The following TICAM2 variants were observed in gnomAD, a reference collection of about 807,000 sequenced individuals.
TICAM2 encodes TIR domain containing adaptor molecule 2.
Under a neutral mutation model 7.3 loss-of-function variants are expected in TICAM2, and 8 were observed. That is an observed-to-expected ratio of 1.10 (90% CI 0.65 to 1.99). TICAM2 has a LOEUF of 1.99. Among genes scored for constraint, TICAM2 ranks in the 30% most tolerant of loss-of-function variants. The pLI, the probability that TICAM2 is intolerant of heterozygous loss-of-function variation, is 0.00. For synonymous variants in TICAM2, 113 were observed against 99.6 expected, an observed-to-expected ratio of 1.13 and a Z score of -0.80; for missense variants, 304 against 278.8, an observed-to-expected ratio of 1.09 and a Z score of -0.65.
chr5:115,580,572 C>A lies in TICAM2; in HGVS notation c.685G>T (p.Val229Leu), dbSNP rs138755902. The A allele has an allele frequency of 1.4e-5, 23 of 1,598,604 alleles. No individual in the cohort carries two copies. The African/African-American group carries it at 2.2e-4, about 15-fold the overall frequency. Reference protein sequence around the residue: ...QTIWKETRNMVQRQFIA With the variant: ...QTIWKETRNMLQRQFIA Reference sequence around the variant, plus strand: ...TCTCAGGCAATAAATTGTCTTTGTACCATATTTCTTGTCTCTTTCCATATA... The same window carrying A: ...TCTCAGGCAATAAATTGTCTTTGTAACATATTTCTTGTCTCTTTCCATATA... The change falls in exon 2 of 2, where the codon GTA becomes TTA. Residue 229 changes from valine (V) to leucine (L), a missense_variant. Transcript: ENST00000427199.
At chr5:115,591,197 A>G (rs754306700) in intron 1 of TICAM2, among the ~76,000 whole-genome samples, 2 of 152,342 alleles carry the variant, frequency 1.3e-5, no homozygotes, top group Non-Finnish European at 2.9e-5. Context: ...CAGAAGAGGA[A>G]AGCTAGTGCT....
chr5:115,580,420 G>T lies in TICAM2; in HGVS notation c.*129C>A. ...TGTCCTGCAGAAATTTATCTTTCTT[G>T]TGCTCCATAGGTTTCTTTAAGGTGA... On this transcript the variant is annotated 3_prime_UTR_variant, in exon 2 of 2. Coordinates refer to ENST00000427199, the MANE Select transcript of TICAM2 (RefSeq NM_021649.7). 5.9e-6 allele frequency: 7 copies of T among 1,180,246 alleles called. No individual in the cohort carries two copies. Among genetic ancestry groups the T allele is most frequent in the Non-Finnish European group, 7.7e-6 (7 of 904,222 alleles). The allele number at this position is 1,180,246 out of a possible 1,614,324, so 73.1% of individuals were successfully genotyped here. A position where few individuals can be genotyped will look rare whatever the true frequency, so the allele number is the denominator to read the frequency against.
rs1221860877 is a variant in TICAM2 at position 115,596,743 on chromosome 5, C to A, written c.-60+5354G>T. 2.0e-5 allele frequency among the ~76,000 whole-genome samples: 3 copies of A among 152,116 alleles called. No homozygotes were observed. In the East Asian group the frequency reaches 5.8e-4, roughly 29 times the overall value. On this transcript the variant is annotated intron_variant, in intron 1 of 1. Coordinates refer to ENST00000427199, the MANE Select transcript of TICAM2 (RefSeq NM_021649.7). ...GACCATCCTGACTAACATGGTGAAA[C>A]CCCGTCTCTACTAAAAATGCAAAAA...
intron 1 of TICAM2, among the ~76,000 whole-genome samples, chr5:115,591,387 A>G (rs536514861): frequency 1.3e-5 from 2 of 152,354 alleles, no homozygotes; most frequent in African/African-American, 4.8e-5. Context: ...AAGTGATCAC[A>G]GATTGTTAGT....
Position 115,580,608 on chromosome 5 carries a change from T to A in TICAM2, c.649A>T (p.Thr217Ser), listed in dbSNP as rs1413557574. The A allele has an allele frequency of 1.9e-6, 3 of 1,596,706 alleles. No homozygotes were observed. The highest frequency in any genetic ancestry group is 2.6e-6 in the Non-Finnish European group (3 of 1,174,994). Residue 217 changes from threonine to serine, a missense_variant, in exon 2 of 2, where the codon ACA becomes TCA. Thr to Ser is a moderately conservative substitution (Grantham distance 58). Transcript: ENST00000427199. ...GTCTCTTTCCATATAGTTTGTTGTG[T>A]CTTATACACAGACTCCTGAAAAATT... ...ERIFQESVYKTQQTIWKETRN... is the reference protein window; with the variant it reads ...ERIFQESVYKSQQTIWKETRN...
At chr5:115,587,834 T>G (rs1308072180) in intron 1 of TICAM2, among the ~76,000 whole-genome samples, 1 of 152,100 alleles carries the variant, frequency 6.6e-6, no homozygotes, top group African/African-American at 2.4e-5. Context: ...GTTAGTTGCT[T>G]GCTTAAATCA....
chr5:115,595,813 C>A (rs1755490367), intron 1 of TICAM2, among the ~76,000 whole-genome samples: 1 of 152,188 alleles, frequency 6.6e-6, no homozygotes, highest in Admixed American at 6.5e-5. Flanking sequence ...TGTACCCTTG[C>A]CCAACCATCT....
At chr5:115,584,199 G>A (rs1180705793) in intron 1 of TICAM2, among the ~76,000 whole-genome samples, 1 of 151,716 alleles carries the variant, frequency 6.6e-6, no homozygotes, top group Non-Finnish European at 1.5e-5. Context: ...TTCAAACAAG[G>A]ATATTTTGAA....
rs149552474 is a variant in TICAM2 at position 115,601,645 on chromosome 5, A to T, written c.-60+452T>A. ...TACCGTGGAAAGCTGGAGAGGTCCT[A>T]ATACACTGAAAACTAGCTCACAGCT... On this transcript the variant is annotated intron_variant, in intron 1 of 1. Transcript: ENST00000427199. Among the ~76,000 whole-genome samples the T allele has an allele frequency of 2.6e-3, 395 of 152,342 alleles. 2 individuals are homozygous for T. The highest frequency in any genetic ancestry group is 9.3e-3 in the African/African-American group (385 of 41,584).
At chr5:115,585,230 A>G (rs1347016660) in intron 1 of TICAM2, among the ~76,000 whole-genome samples, 1 of 152,232 alleles carries the variant, frequency 6.6e-6, no homozygotes, top group East Asian at 1.9e-4. Context: ...CTCAATAAAC[A>G]TTAGCAGCTA....
chr5:115,580,437 T>G lies in TICAM2; in HGVS notation c.*112A>C. ...TCTTTCTTGTGCTCCATAGGTTTCT[T>G]TAAGGTGAAGACTCTCTTTTATTTA... is the stretch of plus-strand genomic sequence containing the variant. On this transcript the variant is annotated 3_prime_UTR_variant, in exon 2 of 2. Transcript: ENST00000427199. 2 of 1,318,042 alleles carry G rather than the reference T, an allele frequency of 1.5e-6. No individual in the cohort carries two copies. The highest frequency in any genetic ancestry group is 2.0e-6 in the Non-Finnish European group (2 of 1,013,344). 81.6% of individuals were successfully genotyped at this position (1,318,042 alleles called of 1,614,324 possible). A position where few individuals can be genotyped will look rare whatever the true frequency, so the allele number is the denominator to read the frequency against.
At chr5:115,598,805 C>T (rs567606819) in intron 1 of TICAM2, among the ~76,000 whole-genome samples, 21 of 152,010 alleles carry the variant, frequency 1.4e-4, no homozygotes, top group African/African-American at 2.9e-4. Context: ...ATAGTACATA[C>T]GCTACTGATA....
At chr5:115,592,297 A>C (rs1755337742) in intron 1 of TICAM2, among the ~76,000 whole-genome samples, 1 of 152,238 alleles carries the variant, frequency 6.6e-6, no homozygotes, top group Admixed American at 6.5e-5. Flanking sequence ...CATTCCAAGA[A>C]ATAGACAATT....
intron 1 of TICAM2, among the ~76,000 whole-genome samples, chr5:115,589,073 C>CT (rs1397379405): frequency 9.9e-5 from 15 of 152,248 alleles, no homozygotes; most frequent in African/African-American, 3.6e-4. Context: ...AAAACAAACT[C>CT]TACCACCTGC....
chr5:115,592,900 T>C (rs957146547), intron 1 of TICAM2, among the ~76,000 whole-genome samples: 1 of 152,224 alleles, frequency 6.6e-6, no homozygotes, highest in East Asian at 1.9e-4. Context: ...CCCAACACTT[T>C]GGGAGGCCAA....
chr5:115,582,188 G>T (rs1754949484), intron 1 of TICAM2, among the ~76,000 whole-genome samples: 1 of 151,706 alleles, frequency 6.6e-6, no homozygotes, highest in Non-Finnish European at 1.5e-5. Flanking sequence ...ACAAGGTCTG[G>T]CTCTGTTGCC....
intron 1 of TICAM2, 37 bp from the exon 2 acceptor site, chr5:115,581,352 T>G: frequency 6.5e-7 from 1 of 1,535,510 alleles, no homozygotes; most frequent in Non-Finnish European, 8.7e-7. Context: ...TATTATAAAT[T>G]TAATCAAAAC....
intron 1 of TICAM2, among the ~76,000 whole-genome samples, chr5:115,600,162 G>A (rs1755667718): frequency 6.6e-6 from 1 of 152,170 alleles, no homozygotes; most frequent in African/African-American, 2.4e-5. Context: ...TACTTGAATG[G>A]CAGTAACTGA....
intron 1 of TICAM2, among the ~76,000 whole-genome samples, chr5:115,585,979 T>G (rs1206328754): frequency 6.6e-6 from 1 of 152,182 alleles, no homozygotes; most frequent in African/African-American, 2.4e-5. Context: ...GGGCATATTT[T>G]GAAAGTAGAA....
Sources: gnomAD v4.1 joint callset for allele counts (sites outside exome capture counted in the v4.1 genomes callset) on GRCh38, gnomAD v4.1.1 for gene constraint, MANE v1.5 for transcripts, NCBI Gene and HGNC (gene_info 2026-07-23, HGNC 2026-07-21) for gene names.